The following PLXNA3 variants were observed in gnomAD, a reference collection of about 807,000 sequenced individuals.
The protein encoded by PLXNA3 is plexin A3.
PLXNA3 carries 52 observed loss-of-function variants against 118.8 expected under a neutral mutation model. That is an observed-to-expected ratio of 0.44 (90% CI 0.35 to 0.55). The LOEUF is 0.55. PLXNA3 is among the 20% of genes least tolerant of loss of function. The pLI is 0.01. For missense variants in PLXNA3, 1,660 were observed against 1,730.8 expected (o/e 0.96, Z 0.73); for synonymous variants, 925 against 762.4 (o/e 1.21, Z -3.51).
In PLXNA3 at chrX:154,476,751, G is replaced by A. The variant is rs1418063906; in HGVS notation, c.*4066G>A. 1.8e-5 allele frequency: 2 copies of A among 111,942 alleles called. No individual in the cohort carries two copies. The highest frequency in any genetic ancestry group is 3.8e-5 in the Non-Finnish European group (2 of 53,202). The allele number at this position is 111,942 out of a possible 1,213,427, so 9.2% of individuals were successfully genotyped here. On this transcript the variant is annotated 3_prime_UTR_variant, in exon 33 of 33. Coordinates refer to ENST00000369682, the MANE Select transcript of PLXNA3 (RefSeq NM_017514.5). ...TGGAATGCAGAGTATTAAAAAACTGGCTGTGGGCCAGTGAGGGACAGCGAC... is the reference window on the plus strand; with the variant it reads ...TGGAATGCAGAGTATTAAAAAACTGACTGTGGGCCAGTGAGGGACAGCGAC...
At chrX:154,471,014 G>T (rs1313516364) in intron 30 of PLXNA3, 91 bp from the exon 31 acceptor site, 11 of 716,963 alleles carry the variant, frequency 1.5e-5, no homozygotes, top group Non-Finnish European at 2.3e-5. Context: ...CAAGATGTGA[G>T]CCGGCCCGAC....
intron 9 of PLXNA3, 103 bp from the exon 10 acceptor site, chrX:154,464,650 CT>C (rs1557206299): frequency 1.4e-6 from 1 of 696,759 alleles, no homozygotes; most frequent in African/African-American, 2.2e-5. Context: ...TCTCTGTCCC[CT>C]GATATGGCTG....
Position 154,462,114 on chromosome X carries a change from C to T in PLXNA3, c.1135-14C>T. ...GAGCTTTGACTCTCACGGGTTCCTC[C>T]TCTGTTTCACCAGCCCATGCAGATC... On this transcript the variant is annotated splice_polypyrimidine_tract_variant and intron_variant, in intron 3 of 32. Coordinates refer to ENST00000369682, the MANE Select transcript of PLXNA3 (RefSeq NM_017514.5). 1 of 1,166,534 alleles carries T rather than the reference C, an allele frequency of 8.6e-7. No homozygotes were observed.
chrX:154,467,249 C>G lies in PLXNA3; in HGVS notation c.3219C>G (p.Asn1073Lys). The G allele has an allele frequency of 8.3e-7, 1 of 1,209,976 alleles. No homozygotes were observed. The highest frequency in any genetic ancestry group is 1.1e-6 in the Non-Finnish European group (1 of 894,779). The change falls in exon 19 of 33, where the codon AAC (asparagine) becomes AAG (lysine). Residue 1073 changes from asparagine (N) to lysine (K), a missense_variant. Around this residue, in one of 2 missense-constraint regions of PLXNA3, gnomAD observed 869 missense variants for 1,078.7 expected, o/e 0.81. Transcript: ENST00000369682. Reference sequence around the variant, plus strand: ...CCCCACAGACATGCCAAGTGATCAACGACACTGCCATGCTGTGTAAGGCCC... The same window carrying G: ...CCCCACAGACATGCCAAGTGATCAAGGACACTGCCATGCTGTGTAAGGCCC... ...IETTNTCQVI[N>K]DTAMLCKAPG...
In PLXNA3 at chrX:154,475,167, T is replaced by A. The variant is rs1184977901; in HGVS notation, c.*2482T>A. 4 of 102,956 alleles carry A rather than the reference T, an allele frequency of 3.9e-5. No individual in the cohort carries two copies. Among genetic ancestry groups the A allele is most frequent in the African/African-American group, 1.1e-4 (3 of 28,021 alleles). 8.5% of individuals were successfully genotyped at this position (102,956 alleles called of 1,213,427 possible). ...CCCAGGCTGGAGTGCAATGGTATGA[T>A]CTTGGCTCACCGCAACCTCCGCCTC... On this transcript the variant is annotated 3_prime_UTR_variant, in exon 33 of 33. Coordinates refer to ENST00000369682, the MANE Select transcript of PLXNA3 (RefSeq NM_017514.5).
In PLXNA3 at chrX:154,464,276, C is replaced by T. The variant is rs1557206112; in HGVS notation, c.1791C>T (p.Pro597=). 9.9e-6 allele frequency: 12 copies of T among 1,208,639 alleles called. No individual in the cohort carries two copies. The highest frequency in any genetic ancestry group is 2.2e-5 in the Admixed American group (1 of 46,062). Residue 597 remains proline, a synonymous_variant, in exon 8 of 33, where the codon CCC becomes CCT. Coordinates refer to ENST00000369682, the MANE Select transcript of PLXNA3 (RefSeq NM_017514.5). Reference sequence around the variant, plus strand: ...CCGGTGAACTGCTCTGCCCCTCACCCTCCCTCCAGGAGCTCCGAGCTCTTA... The same window carrying T: ...CCGGTGAACTGCTCTGCCCCTCACCTTCCCTCCAGGAGCTCCGAGCTCTTA... The part of the protein sequence containing the change: ...LPSGELLCPS[P]SLQELRALTR...
rs984890165 is a variant in PLXNA3, at chrX:154,461,601, C to T, written c.1097C>T (p.Pro366Leu). ...CGTGGGGAGGGCACTCTGGCTCTGC[C>T]CTGGCTGCTGAACAAGGAGCTGCCC... ...CYRGEGTLAL[P>L]WLLNKELPCI... Residue 366 changes from proline to leucine, a missense_variant, in exon 3 of 33, where the codon CCC (proline) becomes CTC (leucine). Physicochemically the swap from Pro to Leu is moderately conservative, Grantham distance 98 (BLOSUM62 -3). Around this residue, in one of 2 missense-constraint regions of PLXNA3, gnomAD observed 791 missense variants for 652.1 expected, o/e 1.21. Transcript: ENST00000369682. 2 of 1,201,714 alleles carry T rather than the reference C, an allele frequency of 1.7e-6. No individual in the cohort carries two copies. Among genetic ancestry groups the T allele is most frequent in the Non-Finnish European group, 2.2e-6 (2 of 893,825 alleles).
At chrX:154,461,072 A>G in intron 2 of PLXNA3, 27 bp from the exon 3 acceptor site, 1 of 1,164,151 alleles carries the variant, frequency 8.6e-7, no homozygotes, top group Non-Finnish European at 1.2e-6. Context: ...GCCTCACCGG[A>G]TGCTGTCTCC....
Position 154,463,449 on chromosome X carries a change from G to T in PLXNA3, c.1376G>T (p.Gly459Val). Residue 459 changes from glycine (G) to valine (V), a missense_variant, in exon 5 of 33, where the codon GGC becomes GTC. Transcript: ENST00000369682. ...HLYETVPVVD[G>V]SPILRDLLFS... ...TATGAGACAGTCCCCGTGGTGGATG[G>T]CAGCCCCATCCTCCGAGACCTGCTC... The T allele has an allele frequency of 8.3e-7, 1 of 1,206,447 alleles. No homozygotes were observed. The highest frequency in any genetic ancestry group is 1.1e-6 in the Non-Finnish European group (1 of 893,908).
At position 154,462,119 on chromosome X, in the gene PLXNA3, T is replaced by C. The variant is rs782390586; in HGVS notation, c.1135-9T>C. ...TTGACTCTCACGGGTTCCTCCTCTG[T>C]TTCACCAGCCCATGCAGATCAACGG... is the stretch of plus-strand genomic sequence containing the variant. On this transcript the variant is annotated splice_polypyrimidine_tract_variant and intron_variant, in intron 3 of 32. Coordinates refer to ENST00000369682, the MANE Select transcript of PLXNA3 (RefSeq NM_017514.5). The C allele has an allele frequency of 7.7e-6, 9 of 1,171,790 alleles. No homozygotes were observed. The East Asian group carries it at 2.8e-4, about 36-fold the overall frequency.
Position 154,468,320 on chromosome X carries a change from G to A in PLXNA3, c.3981G>A (p.Glu1327=). The change falls in exon 23 of 33, where the codon GAG becomes GAA. Residue 1327 remains glutamate, a synonymous_variant. Transcript: ENST00000369682. ...CCCCACAGACGCCACCCAACGTGGA[G>A]AAGGCCCTGCGCCTCTTCGGGCAGC... ...LKELDTPPNV[E]KALRLFGQLL... 1 of 1,205,925 alleles carries A rather than the reference G, an allele frequency of 8.3e-7. No homozygotes were observed. Among genetic ancestry groups the A allele is most frequent in the Non-Finnish European group, 1.1e-6 (1 of 892,189 alleles).
In PLXNA3 at chrX:154,470,427, C is replaced by T. The variant is rs1218613991; in HGVS notation, c.4987-15C>T. 17 of 1,201,964 alleles carry T rather than the reference C, an allele frequency of 1.4e-5. No individual in the cohort carries two copies. Among genetic ancestry groups the T allele is most frequent in the Non-Finnish European group, 1.9e-5 (17 of 889,304 alleles). Reference sequence around the variant, plus strand: ...CTGGCTCCCTCATAGCCTGTGACCTCTCTGCCCCACACAGGGCACACTGCA... The same window carrying T: ...CTGGCTCCCTCATAGCCTGTGACCTTTCTGCCCCACACAGGGCACACTGCA... On this transcript the variant is annotated splice_polypyrimidine_tract_variant and intron_variant, in intron 29 of 32. Transcript: ENST00000369682.
Position 154,464,491 on chromosome X carries a change from G to A in PLXNA3, c.1918G>A (p.Val640Ile), listed in dbSNP as rs142513042. Residue 640 changes from valine (V) to isoleucine (I), a missense_variant, in exon 9 of 33, where the codon GTC becomes ATC. Physicochemically the swap from Val to Ile is conservative, Grantham distance 29. Transcript: ENST00000369682. Reference protein sequence around the residue: ...GADFVFYNCSVLQSCMSCVGS... With the variant: ...GADFVFYNCSILQSCMSCVGS... The stretch of plus-strand genomic sequence containing the variant: ...TGACTTTGTCTTCTACAACTGCAGC[G>A]TCCTCCAGTCGTGAGTACCTGGCCA... 1.5e-4 allele frequency: 182 copies of A among 1,202,693 alleles called. No individual in the cohort carries two copies. Among genetic ancestry groups the A allele is most frequent in the African/African-American group, 1.3e-3 (76 of 57,276 alleles).
rs782541498 is a variant in PLXNA3 at position 154,468,160 on chromosome X, G to A, written c.3899G>A (p.Arg1300Gln). 8.4e-6 allele frequency: 10 copies of A among 1,188,360 alleles called. No individual in the cohort carries two copies. Among genetic ancestry groups the A allele is most frequent in the Middle Eastern group, 2.4e-4 (1 of 4,250 alleles). ...GTGCAGATCCCCTTCCTGGACTACC[G>A]GACTTACGCCGTGCGCGTGCTCTTC... is the stretch of plus-strand genomic sequence containing the variant. ...DEVQIPFLDY[R>Q]TYAVRVLFPG... Residue 1300 changes from arginine (R) to glutamine (Q), a missense_variant, in exon 22 of 33, where the codon CGG (arginine) becomes CAG (glutamine). This residue lies in a region of PLXNA3 where 869 missense variants were observed against 1,078.7 expected (regional missense o/e 0.81). Transcript: ENST00000369682.
In PLXNA3 at chrX:154,463,400, G is replaced by A. The variant is rs191903829; in HGVS notation, c.1327G>A (p.Asp443Asn). The stretch of plus-strand genomic sequence containing the variant: ...TGGTCTTGTGGCTCAGGTGCGGGTC[G>A]ATGGCTTCCAGGATGCCCACCTGTA... ...RSGSLKKVRV[D>N]GFQDAHLYET... The change falls in exon 5 of 33, where the codon GAT (aspartate) becomes AAT (asparagine). Residue 443 changes from aspartate (D) to asparagine (N), a missense_variant. Around this residue, in one of 2 missense-constraint regions of PLXNA3, gnomAD observed 791 missense variants for 652.1 expected, o/e 1.21. Transcript: ENST00000369682. 227 of 1,207,673 alleles carry A rather than the reference G, an allele frequency of 1.9e-4. No individual in the cohort carries two copies. The highest frequency in any genetic ancestry group is 2.3e-4 in the Non-Finnish European group (208 of 894,321).
chrX:154,461,712 C>T (rs2068966717), intron 3 of PLXNA3, 74 bp downstream of exon 3: 3 of 999,335 alleles, frequency 3.0e-6, no homozygotes, highest in South Asian at 4.4e-5. Flanking sequence ...GGCTCACGGC[C>T]AGTCATCCTG....
chrX:154,464,085 TG>T lies in PLXNA3; in HGVS notation c.1671+16del. ...TCACCTGGGGTGCAGGTGAGCAGCT[TG>T]GGGGTGCCCGGCTGGGTGTGCACAT... is the stretch of plus-strand genomic sequence containing the variant. On this transcript the variant is annotated intron_variant, in intron 7 of 32. Transcript: ENST00000369682. 1 of 1,210,918 alleles carries T rather than the reference TG, an allele frequency of 8.3e-7. No individual in the cohort carries two copies. Among genetic ancestry groups the T allele is most frequent in the Admixed American group, 2.2e-5 (1 of 46,137 alleles).
In PLXNA3 at chrX:154,464,167, C is replaced by T; in HGVS notation, c.1682C>T (p.Thr561Ile). Reference sequence around the variant, plus strand: ...CTCTGCTTCCCCCAGCTGACCGTCACCCTGCACAACGTGCCAGACCTCAGT... The same window carrying T: ...CTCTGCTTCCCCCAGCTGACCGTCATCCTGCACAACGTGCCAGACCTCAGT... ...VTSPGVQLTV[T>I]LHNVPDLSAG... The change falls in exon 8 of 33, where the codon ACC (threonine) becomes ATC (isoleucine). Residue 561 changes from threonine (T) to isoleucine (I), a missense_variant. By Grantham distance (89) the Thr-to-Ile change is moderately conservative. This residue lies in a region of PLXNA3 where 791 missense variants were observed against 652.1 expected (regional missense o/e 1.21). Transcript: ENST00000369682. The T allele has an allele frequency of 2.5e-6, 3 of 1,209,054 alleles. No individual in the cohort carries two copies. Among genetic ancestry groups the T allele is most frequent in the Non-Finnish European group, 3.4e-6 (3 of 894,201 alleles).
At chrX:154,469,600 G>A (rs2069150439) in intron 27 of PLXNA3, 88 bp from the exon 28 acceptor site, 9 of 949,359 alleles carry the variant, frequency 9.5e-6, no homozygotes, top group East Asian at 6.2e-5. Flanking sequence ...CCCTGGGCTC[G>A]TGGGCTCCCC....
Sources: allele counts gnomAD v4.1 joint callset, GRCh38; gene constraint gnomAD v4.1.1; regional missense constraint gnomAD v4.1.1; transcripts MANE v1.5; gene names NCBI Gene and HGNC (gene_info 2026-07-23, HGNC 2026-07-21).